The following PPP1R12B variants were observed in gnomAD, a reference collection of about 807,000 sequenced individuals.
PPP1R12B encodes myosin phosphatase target subunit 2.
Under a neutral mutation model 126.1 loss-of-function variants are expected in PPP1R12B, and 76 were observed. That is an observed-to-expected ratio of 0.60 (90% CI 0.50 to 0.73). The LOEUF (loss-of-function observed/expected upper bound fraction) is 0.73, where lower values mean the gene tolerates loss of function less well. Ranked by LOEUF, PPP1R12B falls within the 30% of genes least tolerant of loss-of-function variation. The probability of loss-of-function intolerance (pLI) is 0.00; values close to 1 mark genes in which losing one functional copy is unlikely to be tolerated. For synonymous variants in PPP1R12B, 356 were observed against 434.7 expected, an observed-to-expected ratio of 0.82 and a Z score of 2.25; for missense variants, 1,052 against 1,205.1, an observed-to-expected ratio of 0.87 and a Z score of 1.88.
In PPP1R12B at chr1:202,585,444, TCTC is replaced by T. The variant is rs1316155284; in HGVS notation, c.*4887_*4889del. 1 of 152,354 alleles carries T rather than the reference TCTC, an allele frequency of 6.6e-6. No individual in the cohort carries two copies. The highest frequency in any genetic ancestry group is 1.5e-5 in the Non-Finnish European group (1 of 68,038). The allele number at this position is 152,354 out of a possible 1,614,324, so 9.4% of individuals were successfully genotyped here. On this transcript the variant is annotated 3_prime_UTR_variant, in exon 24 of 24. Transcript: ENST00000608999. ...ACATCTGTATTCCAAGGCCACCCCT[TCTC>T]CTTTTAGTCATGTGACTTTGGGCAG...
At chr1:202,365,852 T>C (rs963951210) in intron 1 of PPP1R12B, among the ~76,000 whole-genome samples, 16 of 152,090 alleles carry the variant, frequency 1.1e-4, no homozygotes, top group African/African-American at 3.6e-4. Context: ...TAGCTGGGCA[T>C]GGTGGCATAC....
intron 18 of PPP1R12B, among the ~76,000 whole-genome samples, chr1:202,535,342 G>GT (rs893518969): frequency 1.3e-5 from 2 of 151,696 alleles, no homozygotes; most frequent in African/African-American, 4.8e-5. Flanking sequence ...TGCCATTTAG[G>GT]TTTTTTTAAT....
intron 9 of PPP1R12B, among the ~76,000 whole-genome samples, chr1:202,436,110 A>G (rs1218116600): frequency 6.6e-6 from 1 of 152,038 alleles, no homozygotes; most frequent in Non-Finnish European, 1.5e-5. Context: ...CAATAAAAAC[A>G]TTAGCCAGGC....
Position 202,428,904 on chromosome 1 carries a change from A to T in PPP1R12B, c.896A>T (p.Glu299Val), listed in dbSNP as rs761207734. The change falls in exon 6 of 24, where the codon GAG becomes GTG. Residue 299 changes from glutamate (E) to valine (V), a missense_variant. Glu to Val is a moderately radical substitution (Grantham distance 121). Transcript: ENST00000608999. ...GATGAGGGTCTCGTGGAGCATTTGG[A>T]GTTGCTCCAGAAGAAGCAGAATGTG... is the stretch of plus-strand genomic sequence containing the variant. ...VADEGLVEHL[E>V]LLQKKQNVLR... 6.2e-7 allele frequency: 1 copy of T among 1,608,084 alleles called. No homozygotes were observed. Among genetic ancestry groups the T allele is most frequent in the Non-Finnish European group, 8.5e-7 (1 of 1,177,858 alleles).
At chr1:202,408,843 C>CTT (rs35632865) in intron 1 of PPP1R12B, among the ~76,000 whole-genome samples, 86 of 113,338 alleles carry the variant, frequency 7.6e-4, no homozygotes, top group Non-Finnish European at 9.5e-4. Context: ...TTATTTCTTT[C>CTT]TTTTTTTTTT....
intron 1 of PPP1R12B, among the ~76,000 whole-genome samples, chr1:202,354,721 C>T (rs1172961998): frequency 1.3e-5 from 2 of 151,602 alleles, no homozygotes; most frequent in Non-Finnish European, 2.9e-5. Context: ...GATCTCGACT[C>T]ACTGCAACCT....
chr1:202,366,890 G>GGCTA (rs1393455337), intron 1 of PPP1R12B, among the ~76,000 whole-genome samples: 2 of 152,082 alleles, frequency 1.3e-5, no homozygotes, highest in Non-Finnish European at 2.9e-5. Context: ...CAAGAGAAGG[G>GGCTA]GCTATTTCAT....
intron 18 of PPP1R12B, among the ~76,000 whole-genome samples, chr1:202,522,703 T>C (rs1467975009): frequency 1.3e-5 from 2 of 152,076 alleles, no homozygotes; most frequent in Non-Finnish European, 2.9e-5. Context: ...GATAAAAAAA[T>C]ACAAGTATAA....
chr1:202,507,396 A>G (rs1295729487), intron 18 of PPP1R12B, among the ~76,000 whole-genome samples: 1 of 151,996 alleles, frequency 6.6e-6, no homozygotes, highest in African/African-American at 2.4e-5. Context: ...TTTTAAAATG[A>G]TTTTAGTTTT....
chr1:202,545,418 A>G (rs1685549907), intron 18 of PPP1R12B, among the ~76,000 whole-genome samples: 1 of 152,206 alleles, frequency 6.6e-6, no homozygotes, highest in Non-Finnish European at 1.5e-5. Flanking sequence ...TTGACCAGAG[A>G]GACTGGGAGC....
chr1:202,568,699 G>A (rs1172377285), intron 22 of PPP1R12B, among the ~76,000 whole-genome samples: 1 of 152,148 alleles, frequency 6.6e-6, no homozygotes, highest in African/African-American at 2.4e-5. Flanking sequence ...AGACAATGAT[G>A]TCTACTTCCC....
chr1:202,452,403 A>C (rs1260903409), intron 13 of PPP1R12B, among the ~76,000 whole-genome samples: 5 of 152,206 alleles, frequency 3.3e-5, no homozygotes, highest in Admixed American at 3.3e-4. Context: ...TACGAAAACC[A>C]GTCAGGCGTG....
intron 18 of PPP1R12B, among the ~76,000 whole-genome samples, chr1:202,547,973 C>G (rs1685824000): frequency 6.6e-6 from 1 of 152,218 alleles, no homozygotes; most frequent in Admixed American, 6.5e-5. Flanking sequence ...AACATTTACT[C>G]TTTGTCAGTG....
intron 1 of PPP1R12B, among the ~76,000 whole-genome samples, chr1:202,351,962 C>G (rs896962539): frequency 1.3e-5 from 2 of 152,136 alleles, no homozygotes; most frequent in Non-Finnish European, 2.9e-5. Flanking sequence ...ATAACAAGCT[C>G]CAGGGGGCCT....
At chr1:202,409,527 G>T (rs1667113997) in intron 1 of PPP1R12B, among the ~76,000 whole-genome samples, 1 of 151,742 alleles carries the variant, frequency 6.6e-6, no homozygotes, top group African/African-American at 2.4e-5. Context: ...TCACCATGTT[G>T]GCCAGGATGG....
rs1225181526 is a variant in PPP1R12B, at chr1:202,506,673, T to C, written c.2490+9851T>C. Among the ~76,000 whole-genome samples, 13 of 152,312 alleles carry C rather than the reference T, an allele frequency of 8.5e-5. No individual in the cohort carries two copies. The East Asian group carries it at 2.1e-3, about 25-fold the overall frequency. On this transcript the variant is annotated intron_variant, in intron 18 of 23. Coordinates refer to ENST00000608999, the MANE Select transcript of PPP1R12B (RefSeq NM_002481.4). ...TCTGCCTCCAATTGCTTTCAAGATA[T>C]TAGTTTGTGTTAGTGACTTGTGACC...
intron 11 of PPP1R12B, 45 bp from the exon 12 acceptor site, chr1:202,442,402 T>C (rs771589907): frequency 6.3e-7 from 1 of 1,585,102 alleles, no homozygotes; most frequent in Non-Finnish European, 8.6e-7. Flanking sequence ...GGACAAAAAC[T>C]GGTGGTAGGA....
At chr1:202,560,230 C>G (rs1687377863) in intron 19 of PPP1R12B, among the ~76,000 whole-genome samples, 1 of 152,026 alleles carries the variant, frequency 6.6e-6, no homozygotes, top group Non-Finnish European at 1.5e-5. Flanking sequence ...ATAGGAAAAG[C>G]CTTTCCAAGT....
chr1:202,368,172 T>A (rs368645015), intron 1 of PPP1R12B, among the ~76,000 whole-genome samples: 19 of 152,226 alleles, frequency 1.2e-4, no homozygotes, highest in African/African-American at 4.6e-4. Context: ...GGTTTCACCA[T>A]GTTGGCCAGG....
Sources: allele counts gnomAD v4.1 joint callset (sites outside exome capture counted in the v4.1 genomes callset), GRCh38; gene constraint gnomAD v4.1.1; transcripts MANE v1.5; gene names NCBI Gene and HGNC (gene_info 2026-07-23, HGNC 2026-07-21).